The following DACH1 variants were observed in gnomAD, a reference collection of about 807,000 sequenced individuals.
DACH1 encodes dachshund family transcription factor 1, also known as dachshund homolog 1.
Under a neutral mutation model 54.2 loss-of-function variants are expected in DACH1, and 12 were observed. That is an observed-to-expected ratio of 0.22 (90% CI 0.14 to 0.36). The LOEUF (loss-of-function observed/expected upper bound fraction) is 0.36. Ranked by LOEUF, DACH1 falls within the 10% of genes least tolerant of loss-of-function variation. The pLI, the probability that DACH1 is intolerant of heterozygous loss-of-function variation, is 1.00. For synonymous variants in DACH1, 386 were observed against 366.2 expected, an observed-to-expected ratio of 1.05 and a Z score of -0.62; for missense variants, 805 against 929.8, an observed-to-expected ratio of 0.87 and a Z score of 1.75.
intron 7 of DACH1, among the ~76,000 whole-genome samples, chr13:71,483,725 G>A (rs188140569): frequency 2.4e-4 from 37 of 151,812 alleles, no homozygotes; most frequent in Non-Finnish European, 3.2e-4. Context: ...TTTTTGGTCC[G>A]CAAGCATATA....
In DACH1 at chr13:71,572,986, G is replaced by A; in HGVS notation, c.1153C>T (p.Pro385Ser). The A allele has an allele frequency of 1.2e-6, 2 of 1,613,960 alleles. No individual in the cohort carries two copies. Among genetic ancestry groups the A allele is most frequent in the Non-Finnish European group, 1.7e-6 (2 of 1,179,948 alleles). The change falls in exon 4 of 11, where the codon CCC becomes TCC. Residue 385 changes from proline (P) to serine (S), a missense_variant. Physicochemically the swap from Pro to Ser is moderately conservative, Grantham distance 74. Around this residue, in one of 3 missense-constraint regions of DACH1, gnomAD observed 472 missense variants for 545.3 expected, o/e 0.87. Coordinates refer to ENST00000613252, the MANE Select transcript of DACH1 (RefSeq NM_080759.6). The part of the protein sequence containing the change: ...VGLELPFMMM[P>S]HPLIPVSLPP... ...AGGCTGACAGGAATTAGAGGGTGGG[G>A]CATCATCATAAAAGGAAGTTCCAGT...
chr13:71,806,589 A>G (rs919719708), intron 1 of DACH1, among the ~76,000 whole-genome samples: 1 of 152,240 alleles, frequency 6.6e-6, no homozygotes, highest in Non-Finnish European at 1.5e-5. Context: ...TACCTGTTAC[A>G]TATCAGTACT....
intron 1 of DACH1, among the ~76,000 whole-genome samples, chr13:71,861,883 G>A (rs1874379767): frequency 8.1e-6 from 1 of 123,718 alleles, no homozygotes; most frequent in Non-Finnish European, 1.6e-5. Flanking sequence ...GGTTCGGTTT[G>A]CCATCTTTAT....
At chr13:71,448,140 G>T (rs1042392937) in intron 10 of DACH1, among the ~76,000 whole-genome samples, 1 of 152,124 alleles carries the variant, frequency 6.6e-6, no homozygotes, top group East Asian at 1.9e-4. Flanking sequence ...TTATATCCAG[G>T]CACCTGTAAT....
intron 6 of DACH1, among the ~76,000 whole-genome samples, chr13:71,549,198 G>T (rs1481727738): frequency 6.6e-6 from 1 of 152,050 alleles, no homozygotes; most frequent in Non-Finnish European, 1.5e-5. Flanking sequence ...GGGAATTTAT[G>T]ATGATTGATA....
chr13:71,625,724 G>A (rs531690815), intron 3 of DACH1, among the ~76,000 whole-genome samples: 25 of 152,104 alleles, frequency 1.6e-4, no homozygotes, highest in African/African-American at 5.5e-4. Context: ...TGTGAAATGT[G>A]TTCAGGTTTG....
intron 10 of DACH1, among the ~76,000 whole-genome samples, chr13:71,453,966 CTT>C (rs1875313540): frequency 6.6e-6 from 1 of 152,096 alleles, no homozygotes; most frequent in African/African-American, 2.4e-5. Context: ...TATACAAGAA[CTT>C]TTAAGTAAGG....
At chr13:71,864,182 C>CAT (rs1473438458) in intron 1 of DACH1, among the ~76,000 whole-genome samples, 22 of 102,470 alleles carry the variant, frequency 2.1e-4, no homozygotes, top group African/African-American at 9.1e-4. Context: ...CGCGCACATA[C>CAT]ACACACACAC....
intron 3 of DACH1, among the ~76,000 whole-genome samples, chr13:71,592,494 C>CAAAAAAAAAAAAAAAAAAAAAAAAAAAAA (rs575364116): frequency 4.3e-4 from 14 of 32,764 alleles, no homozygotes; most frequent in Admixed American, 7.2e-4. Context: ...GACTCTATCT[C>CAAAAAAAAAAAAAAAAAAAAAAAAAAAAA]AAAAAAAAAA....
rs1324596796 is a variant in DACH1 at position 71,630,430 on chromosome 13, A to G, written c.1126+126T>C. On this transcript the variant is annotated intron_variant, in intron 3 of 10. Transcript: ENST00000613252. The stretch of plus-strand genomic sequence containing the variant: ...GAGGCAAAATGGTATCCTCAAACAT[A>G]CAGTGTTTTCAAGCTAAAAGTGCCA... The G allele has an allele frequency of 1.4e-5, 19 of 1,400,122 alleles. No homozygotes were observed. In the East Asian group the frequency reaches 4.1e-4, roughly 30 times the overall value. 86.7% of individuals were successfully genotyped at this position (1,400,122 alleles called of 1,614,324 possible).
Position 71,449,566 on chromosome 13 carries a change from C to G in DACH1, c.2084-8874G>C, listed in dbSNP as rs1056814143. Among the ~76,000 whole-genome samples, 3 of 151,890 alleles carry G rather than the reference C, an allele frequency of 2.0e-5. 1 individual carries two copies. ...GGAGGGAGAGCATTAGGACAAATAC[C>G]TAATGCATGCAGGGCTTAAAACCTA... On this transcript the variant is annotated intron_variant, in intron 10 of 10. Transcript: ENST00000613252.
At chr13:71,555,963 T>C (rs1363559622) in intron 6 of DACH1, among the ~76,000 whole-genome samples, 1 of 152,196 alleles carries the variant, frequency 6.6e-6, no homozygotes, top group African/African-American at 2.4e-5. Context: ...TGACATTCCA[T>C]AGCTCAAATA....
At chr13:71,621,472 C>T (rs546360115) in intron 3 of DACH1, among the ~76,000 whole-genome samples, 11 of 152,162 alleles carry the variant, frequency 7.2e-5, no homozygotes, top group African/African-American at 2.6e-4. Flanking sequence ...AGGTACTTCA[C>T]TTCCAATCCA....
At chr13:71,652,431 T>A (rs182627836) in intron 2 of DACH1, among the ~76,000 whole-genome samples, 1 of 152,090 alleles carries the variant, frequency 6.6e-6, no homozygotes, top group African/African-American at 2.4e-5. Flanking sequence ...TCATAACCTG[T>A]CCCTCACCTA....
chr13:71,838,448 T>C (rs1888881717), intron 1 of DACH1, among the ~76,000 whole-genome samples: 1 of 152,156 alleles, frequency 6.6e-6, no homozygotes, highest in African/African-American at 2.4e-5. Context: ...AACTCACCAA[T>C]TTGGTGAAGA....
intron 1 of DACH1, among the ~76,000 whole-genome samples, chr13:71,715,828 T>C (rs995740932): frequency 3.3e-5 from 5 of 152,026 alleles, no homozygotes; most frequent in African/African-American, 1.2e-4. Context: ...TCTATACCCC[T>C]CAAATAATTT....
chr13:71,500,334 T>G (rs774197672), intron 6 of DACH1, among the ~76,000 whole-genome samples: 7 of 152,152 alleles, frequency 4.6e-5, no homozygotes, highest in Non-Finnish European at 8.8e-5. Context: ...CAGGGTGCCA[T>G]AGTTTGATAC....
chr13:71,589,337 A>G (rs1873523834), intron 3 of DACH1, among the ~76,000 whole-genome samples: 1 of 152,032 alleles, frequency 6.6e-6, no homozygotes. Context: ...TGCTTTAAGT[A>G]TCCCTAAAAC....
intron 3 of DACH1, among the ~76,000 whole-genome samples, chr13:71,615,026 A>G (rs1317767127): frequency 2.0e-5 from 3 of 152,072 alleles, no homozygotes; most frequent in Non-Finnish European, 4.4e-5. Flanking sequence ...TCATAAAAGT[A>G]AATGTAAAAA....
Sources: gnomAD v4.1 joint callset for allele counts (sites outside exome capture counted in the v4.1 genomes callset) on GRCh38, gnomAD v4.1.1 for gene constraint, gnomAD v4.1.1 regional missense constraint, MANE v1.5 for transcripts, NCBI Gene and HGNC (gene_info 2026-07-23, HGNC 2026-07-21) for gene names.